The following ADGRB3 variants were observed in gnomAD, a reference collection of about 807,000 sequenced individuals.
The protein encoded by ADGRB3 is brain-specific angiogenesis inhibitor 3.
In ADGRB3, 37 loss-of-function variants were observed where a neutral mutation model predicts 193.4. The observed-to-expected ratio is 0.19, with a 90% CI of 0.15 to 0.25. ADGRB3 has a LOEUF of 0.25. Among genes scored for constraint, ADGRB3 ranks in the 10% least tolerant of loss-of-function variants. The probability of loss-of-function intolerance (pLI) is 1.00; values close to 1 mark genes in which losing one functional copy is unlikely to be tolerated. For missense variants in ADGRB3, 1,637 were observed against 1,852.9 expected (o/e 0.88, Z 2.14); for synonymous variants, 690 against 644.2 (o/e 1.07, Z -1.08).
intron 3 of ADGRB3, among the ~76,000 whole-genome samples, chr6:68,733,709 A>C (rs951658958): frequency 2.0e-5 from 3 of 150,918 alleles, no homozygotes; most frequent in Non-Finnish European, 2.9e-5. Flanking sequence ...CAAAAATAGA[A>C]AGAGTGAATA....
chr6:69,201,046 T>G (rs1302096760), intron 17 of ADGRB3, among the ~76,000 whole-genome samples: 2 of 152,096 alleles, frequency 1.3e-5, no homozygotes, highest in Non-Finnish European at 2.9e-5. Context: ...GAAATCACAT[T>G]CTCATTGTAT....
intron 3 of ADGRB3, among the ~76,000 whole-genome samples, chr6:68,833,147 T>C (rs946513872): frequency 6.6e-6 from 1 of 152,180 alleles, no homozygotes; most frequent in Non-Finnish European, 1.5e-5. Context: ...TGTATACAAT[T>C]GACAATGTCA....
intron 20 of ADGRB3, among the ~76,000 whole-genome samples, chr6:69,320,671 T>A (rs1327414961): frequency 6.6e-6 from 1 of 151,762 alleles, no homozygotes; most frequent in Non-Finnish European, 1.5e-5. Flanking sequence ...ACTGCCTTCT[T>A]GTACCCTGGG....
intron 3 of ADGRB3, among the ~76,000 whole-genome samples, chr6:68,814,580 T>G (rs1175559476): frequency 6.6e-6 from 1 of 152,176 alleles, no homozygotes. Flanking sequence ...ATTTTGGCTT[T>G]TGTTGCCATT....
At chr6:69,085,447 G>A (rs1772519961) in intron 17 of ADGRB3, among the ~76,000 whole-genome samples, 1 of 151,748 alleles carries the variant, frequency 6.6e-6, no homozygotes. Context: ...TAGGCCCCTG[G>A]GTAACCTCTC....
At chr6:69,270,757 A>G (rs1414609727) in intron 20 of ADGRB3, among the ~76,000 whole-genome samples, 1 of 152,198 alleles carries the variant, frequency 6.6e-6, no homozygotes, top group Non-Finnish European at 1.5e-5. Flanking sequence ...TCGATTAAGA[A>G]TGACATTTTC....
At chr6:69,019,247 T>A (rs552986236) in intron 13 of ADGRB3, among the ~76,000 whole-genome samples, 88 of 152,176 alleles carry the variant, frequency 5.8e-4, no homozygotes, top group African/African-American at 1.9e-3. Flanking sequence ...TGATTCAGAA[T>A]TATTTTCTTT....
At chr6:69,210,983 G>C (rs1169678566) in intron 17 of ADGRB3, among the ~76,000 whole-genome samples, 1 of 151,986 alleles carries the variant, frequency 6.6e-6, no homozygotes, top group Non-Finnish European at 1.5e-5. Flanking sequence ...TTAACCAGGC[G>C]TGGTGGCAGG....
intron 20 of ADGRB3, among the ~76,000 whole-genome samples, chr6:69,323,041 A>C (rs541348024): frequency 6.6e-6 from 1 of 152,036 alleles, no homozygotes; most frequent in Non-Finnish European, 1.5e-5. Flanking sequence ...GAAGTAATGA[A>C]CACAATATAC....
chr6:68,870,561 T>G (rs763288100), intron 3 of ADGRB3, among the ~76,000 whole-genome samples: 1 of 152,148 alleles, frequency 6.6e-6, no homozygotes, highest in Non-Finnish European at 1.5e-5. Context: ...GACCCTTGAG[T>G]TAATCCATCT....
At chr6:69,078,819 A>T (rs1269834373) in intron 17 of ADGRB3, among the ~76,000 whole-genome samples, 1 of 152,042 alleles carries the variant, frequency 6.6e-6, no homozygotes, top group South Asian at 2.1e-4. Context: ...TCACTAGAAA[A>T]TAAGCACCAT....
intron 3 of ADGRB3, among the ~76,000 whole-genome samples, chr6:68,854,644 A>G (rs1224768913): frequency 3.9e-5 from 6 of 152,164 alleles, no homozygotes; most frequent in African/African-American, 1.4e-4. Context: ...GGGTTTGGCC[A>G]TAGAGAAAAG....
chr6:69,230,660 T>A (rs1766114805), intron 17 of ADGRB3, among the ~76,000 whole-genome samples: 1 of 152,226 alleles, frequency 6.6e-6, no homozygotes, highest in South Asian at 2.1e-4. Context: ...CCAAGAGGTT[T>A]AATGAAACAA....
intron 3 of ADGRB3, among the ~76,000 whole-genome samples, chr6:68,639,672 C>T (rs1768036831): frequency 3.3e-5 from 5 of 152,060 alleles, no homozygotes; most frequent in Admixed American, 3.3e-4. Flanking sequence ...GTGGAATTTT[C>T]AGGAGAAAGA....
rs192944855 is a variant in ADGRB3, at chr6:69,387,461, C to G, written c.4381-1242C>G. On this transcript the variant is annotated intron_variant, in intron 31 of 31. Transcript: ENST00000370598. ...CCTTTCATTAAATGTTTACTATTAA[C>G]CTTTCTTCCCCATATATTCTCAGAA... is the stretch of plus-strand genomic sequence containing the variant. 5.9e-5 allele frequency among the ~76,000 whole-genome samples: 9 copies of G among 151,428 alleles called. No homozygotes were observed. In the South Asian group the frequency reaches 1.9e-3, roughly 32 times the overall value.
Position 69,361,376 on chromosome 6 carries a change from C to T in ADGRB3, c.4103C>T (p.Ala1368Val), listed in dbSNP as rs1365988303. The T allele has an allele frequency of 6.2e-7, 1 of 1,613,012 alleles. No individual in the cohort carries two copies. Among genetic ancestry groups the T allele is most frequent in the Non-Finnish European group, 8.5e-7 (1 of 1,179,264 alleles). The change falls in exon 29 of 32, where the codon GCA (alanine) becomes GTA (valine). Residue 1368 changes from alanine to valine, a missense_variant. Physicochemically the swap from Ala to Val is moderately conservative, Grantham distance 64. Transcript: ENST00000370598. ...AATATGAACTTAGAGCAACATCTCG[C>T]ACCCCAGGAACATATGCAGAATTTG... ...QFNMNLEQHL[A>V]PQEHMQNLPF...
chr6:68,659,606 C>T (rs1458294701), intron 3 of ADGRB3, among the ~76,000 whole-genome samples: 1 of 150,814 alleles, frequency 6.6e-6, no homozygotes, highest in East Asian at 1.9e-4. Flanking sequence ...ATCCTGTCAT[C>T]TCTAATATGA....
At chr6:68,909,642 T>A (rs992086307) in intron 3 of ADGRB3, among the ~76,000 whole-genome samples, 1 of 152,196 alleles carries the variant, frequency 6.6e-6, no homozygotes, top group African/African-American at 2.4e-5. Context: ...GATCATTTGA[T>A]AGTAACTTTG....
At chr6:68,904,873 A>G (rs1415987701) in intron 3 of ADGRB3, among the ~76,000 whole-genome samples, 1 of 152,166 alleles carries the variant, frequency 6.6e-6, no homozygotes, top group Non-Finnish European at 1.5e-5. Context: ...CAATCTAATG[A>G]AGCTTTATTA....
Sources: allele counts gnomAD v4.1 joint callset (sites outside exome capture counted in the v4.1 genomes callset), GRCh38; gene constraint gnomAD v4.1.1; transcripts MANE v1.5; gene names NCBI Gene and HGNC (gene_info 2026-07-23, HGNC 2026-07-21).